TIAM1: variants seen among roughly 807,000 people sequenced by gnomAD.
TIAM1 encodes rho guanine nucleotide exchange factor TIAM1.
TIAM1 carries 65 observed loss-of-function variants against 163.5 expected under a neutral mutation model. That is an observed-to-expected ratio of 0.40 (90% CI 0.33 to 0.49). The LOEUF (loss-of-function observed/expected upper bound fraction) is 0.49. Ranked by LOEUF, TIAM1 falls within the 20% of genes least tolerant of loss-of-function variation. The pLI, the probability that TIAM1 is intolerant of heterozygous loss-of-function variation, is 0.77. For synonymous variants in TIAM1, 833 were observed against 810.1 expected, an observed-to-expected ratio of 1.03 and a Z score of -0.48; for missense variants, 1,789 against 2,044.7, an observed-to-expected ratio of 0.87 and a Z score of 2.41.
intron 20 of TIAM1, among the ~76,000 whole-genome samples, chr21:31,142,946 T>C (rs1209299024): frequency 6.6e-6 from 1 of 152,130 alleles, no homozygotes; most frequent in Non-Finnish European, 1.5e-5. Context: ...CCGTGGCTAA[T>C]GTCTTCCAGG....
intron 2 of TIAM1, among the ~76,000 whole-genome samples, chr21:31,422,985 C>G (rs2043631512): frequency 9.1e-6 from 1 of 109,764 alleles, no homozygotes; most frequent in Non-Finnish European, 1.9e-5. Context: ...GTCTCTCTCT[C>G]TCTTTACTGT....
At position 31,395,192 on chromosome 21, in the gene TIAM1, C is replaced by T. The variant is rs186693483; in HGVS notation, c.-368-55770G>A. 7.0e-4 allele frequency among the ~76,000 whole-genome samples: 106 copies of T among 151,784 alleles called. No homozygotes were observed. The highest frequency in any genetic ancestry group is 1.9e-3 in the East Asian group (10 of 5,154). ...GGCAGAGGTTGCAGTAAGCTGAGAT[C>T]GCGCCACCACACTCCAGCCTGGGCA... On this transcript the variant is annotated intron_variant, in intron 2 of 28. Transcript: ENST00000286827. The surrounding 1 kb of genome is among the most constrained non-coding windows in gnomAD (Gnocchi z 7.5).
Position 31,252,108 on chromosome 21 carries a change from G to T in TIAM1, c.1045C>A (p.Arg349=), listed in dbSNP as rs763674886. The change falls in exon 5 of 28, where the codon CGA becomes AGA. Residue 349 remains arginine (R), a synonymous_variant. Coordinates refer to ENST00000541036, the MANE Select transcript of TIAM1 (RefSeq NM_001353694.2). ...TAGCTGGAGTTGGTGGCATTAGATCGCCTGGACAGGAGGTCCGTGTCGGTA... is the reference window on the plus strand; with the variant it reads ...TAGCTGGAGTTGGTGGCATTAGATCTCCTGGACAGGAGGTCCGTGTCGGTA... The part of the protein sequence containing the change: ...ATTDTDLLSR[R]SNATNSSYSP... 2 of 1,613,580 alleles carry T rather than the reference G, an allele frequency of 1.2e-6. No homozygotes were observed. Among genetic ancestry groups the T allele is most frequent in the African/African-American group, 1.3e-5 (1 of 75,056 alleles).
rs1163168004 is a variant in TIAM1 at position 31,120,453 on chromosome 21, C to G, written c.4691G>C (p.Gly1564Ala). The change falls in exon 28 of 28, where the codon GGA (glycine) becomes GCA (alanine). Residue 1564 changes from glycine to alanine, a missense_variant. Coordinates refer to ENST00000541036, the MANE Select transcript of TIAM1 (RefSeq NM_001353694.2). The surrounding 1 kb of genome is among the most constrained non-coding windows in gnomAD (Gnocchi z 4.2). ...TTCCTCGCTTGCGCTCTCCAGGCCT[C>G]CATTGATCCCCGACAGGGCAGCTTG... ...KKQAALSGIN[G>A]GLESASEEVI... 7 of 1,614,232 alleles carry G rather than the reference C, an allele frequency of 4.3e-6. No homozygotes were observed. Among genetic ancestry groups the G allele is most frequent in the Admixed American group, 1.7e-5 (1 of 60,028 alleles).
At chr21:31,509,834 C>A (rs937425790) in intron 1 of TIAM1, among the ~76,000 whole-genome samples, 1 of 152,186 alleles carries the variant, frequency 6.6e-6, no homozygotes, top group African/African-American at 2.4e-5. Flanking sequence ...TTCCACGTGC[C>A]TGGAGAGCCG....
rs116688725 is a variant in TIAM1 at position 31,240,929 on chromosome 21, G to A, written c.1584+4559C>T. ...GTAGTGCCCATAATTCCCACATGTCGTGGAAGGGACCCAGTGGTAGGTAAT... is the reference window on the plus strand; with the variant it reads ...GTAGTGCCCATAATTCCCACATGTCATGGAAGGGACCCAGTGGTAGGTAAT... On this transcript the variant is annotated intron_variant, in intron 6 of 27. Transcript: ENST00000541036. Among the ~76,000 whole-genome samples, 1,138 of 152,286 alleles carry A rather than the reference G, an allele frequency of 7.5e-3. 17 individuals are homozygous for A. The highest frequency in any genetic ancestry group is 0.026 in the African/African-American group (1,066 of 41,558).
At chr21:31,315,045 C>T (rs845961) in intron 2 of TIAM1, among the ~76,000 whole-genome samples, 22,873 of 152,096 alleles carry the variant, frequency 0.15, 1,839 homozygotes, top group Non-Finnish European at 0.19. Context: ...AAACCTCGCA[C>T]CAAAACCACA....
intron 2 of TIAM1, among the ~76,000 whole-genome samples, chr21:31,430,714 A>C (rs1000524392): frequency 6.6e-6 from 1 of 152,220 alleles, no homozygotes; most frequent in Non-Finnish European, 1.5e-5. Flanking sequence ...ATTTCTAAGA[A>C]TTAGGTTCTA....
At chr21:31,379,629 C>T (rs958517006) in intron 2 of TIAM1, among the ~76,000 whole-genome samples, 1 of 152,022 alleles carries the variant, frequency 6.6e-6, no homozygotes, top group African/African-American at 2.4e-5. Context: ...ACCCAAATGT[C>T]CATCAATTAA....
Position 31,127,169 on chromosome 21 carries a change from A to C in TIAM1, c.4046-17T>G. The C allele has an allele frequency of 1.9e-6, 3 of 1,610,478 alleles. No individual in the cohort carries two copies. In the South Asian group the frequency reaches 3.3e-5, roughly 18 times the overall value. On this transcript the variant is annotated splice_polypyrimidine_tract_variant and intron_variant, in intron 25 of 27. Transcript: ENST00000541036. ...CCTCTGCATCTAAAGAAATTAAAAC[A>C]ACAATGAATCAGGGTATGTTTCAAG...
intron 2 of TIAM1, among the ~76,000 whole-genome samples, chr21:31,308,680 G>C (rs1010281113): frequency 2.6e-5 from 4 of 152,152 alleles, no homozygotes; most frequent in Non-Finnish European, 5.9e-5. Context: ...TCGGGAAGGG[G>C]ATGCAATGTG....
chr21:31,146,419 A>AC (rs2083115118), intron 20 of TIAM1, among the ~76,000 whole-genome samples: 2 of 150,696 alleles, frequency 1.3e-5, no homozygotes, highest in South Asian at 4.2e-4. Context: ...AAAAAAAAAA[A>AC]AAAAAACAAG....
At chr21:31,335,637 G>A (rs548195671) in intron 2 of TIAM1, among the ~76,000 whole-genome samples, 2 of 150,612 alleles carry the variant, frequency 1.3e-5, no homozygotes, top group South Asian at 2.1e-4. Flanking sequence ...CCTGGGAGGC[G>A]GAGGTTGCAG....
intron 4 of TIAM1, among the ~76,000 whole-genome samples, chr21:31,258,434 T>G (rs1053819064): frequency 2.0e-5 from 3 of 152,166 alleles, no homozygotes; most frequent in Non-Finnish European, 4.4e-5. Context: ...AAGCTTACAT[T>G]TATAGGCTTT....
intron 22 of TIAM1, among the ~76,000 whole-genome samples, chr21:31,140,547 A>G (rs976922986): frequency 2.0e-5 from 3 of 152,198 alleles, no homozygotes; most frequent in Admixed American, 2.0e-4. Context: ...CATCTCAAAC[A>G]TCTACCACTC....
chr21:31,256,476 T>C (rs1215778503), intron 4 of TIAM1, among the ~76,000 whole-genome samples: 1 of 152,090 alleles, frequency 6.6e-6, no homozygotes, highest in East Asian at 1.9e-4. Flanking sequence ...TAAAGAAATG[T>C]GGACCTACAG....
At chr21:31,180,620 C>A (rs892379919) in intron 15 of TIAM1, among the ~76,000 whole-genome samples, 4 of 152,164 alleles carry the variant, frequency 2.6e-5, no homozygotes, top group Non-Finnish European at 4.4e-5. Context: ...CACATATGTG[C>A]AAGCTTATAA....
chr21:31,506,261 TACACAC>T (rs112908703), intron 1 of TIAM1, among the ~76,000 whole-genome samples: 15 of 148,502 alleles, frequency 1.0e-4, no homozygotes, highest in Non-Finnish European at 1.8e-4. Flanking sequence ...CTCACACACG[TACACAC>T]ACACACACAC....
intron 4 of TIAM1, 128 bp downstream of exon 4, chr21:31,265,882 C>T: frequency 7.7e-7 from 1 of 1,305,094 alleles, no homozygotes; most frequent in South Asian, 1.5e-5. Context: ...ACAGCACCAG[C>T]TGCAGCAACT....
Sources: allele counts gnomAD v4.1 joint callset (sites outside exome capture counted in the v4.1 genomes callset), GRCh38; gene constraint gnomAD v4.1.1; non-coding constraint Gnocchi (gnomAD v3.1); transcripts MANE v1.5; gene names NCBI Gene and HGNC (gene_info 2026-07-23, HGNC 2026-07-21).